The following GNAT3 variants were observed in gnomAD, a reference collection of about 807,000 sequenced individuals.
The protein encoded by GNAT3 is guanine nucleotide-binding protein G(t) subunit alpha-3.
In GNAT3, 31 loss-of-function variants were observed where a neutral mutation model predicts 37.7. The observed-to-expected ratio is 0.82, with a 90% CI of 0.62 to 1.11. The LOEUF is 1.11. GNAT3 is among the 50% of genes most tolerant of loss of function. The pLI is 0.00. For synonymous variants in GNAT3, 138 were observed against 139.8 expected (o/e 0.99, Z 0.09); for missense variants, 437 against 412.5 (o/e 1.06, Z -0.51).
At chr7:80,495,691 T>C (rs149927829) in intron 1 of GNAT3, among the ~76,000 whole-genome samples, 9 of 152,184 alleles carry the variant, frequency 5.9e-5, no homozygotes, top group African/African-American at 2.2e-4. Flanking sequence ...ATGGTCTGGA[T>C]CTGCTGATCT....
At chr7:80,467,930 G>T (rs1450535895) in intron 5 of GNAT3, among the ~76,000 whole-genome samples, 1 of 151,544 alleles carries the variant, frequency 6.6e-6, no homozygotes, top group Non-Finnish European at 1.5e-5. Flanking sequence ...GGGTTTTTTG[G>T]TCTTATTTAT....
At chr7:80,497,385 A>G (rs1351202063) in intron 1 of GNAT3, among the ~76,000 whole-genome samples, 1 of 152,030 alleles carries the variant, frequency 6.6e-6, no homozygotes, top group Non-Finnish European at 1.5e-5. Flanking sequence ...TAGGAAGTGC[A>G]TCACTTTGGG....
chr7:80,461,158 A>T (rs1584164464), intron 7 of GNAT3, among the ~76,000 whole-genome samples: 1 of 152,040 alleles, frequency 6.6e-6, no homozygotes, highest in Non-Finnish European at 1.5e-5. Context: ...AGGTTGACCA[A>T]TGTAAGTATT....
At chr7:80,471,430 T>C (rs1439685176) in intron 5 of GNAT3, among the ~76,000 whole-genome samples, 13 of 151,964 alleles carry the variant, frequency 8.6e-5, no homozygotes, top group Non-Finnish European at 1.5e-5. Context: ...ATTGTTTATA[T>C]TACTTTGTTC....
At chr7:80,492,523 T>C (rs1340948914) in intron 2 of GNAT3, among the ~76,000 whole-genome samples, 1 of 151,862 alleles carries the variant, frequency 6.6e-6, no homozygotes, top group African/African-American at 2.4e-5. Context: ...TGAATAGTCC[T>C]GTAACTTTGC....
At chr7:80,501,354 T>G (rs1363521216) in intron 1 of GNAT3, among the ~76,000 whole-genome samples, 1 of 152,028 alleles carries the variant, frequency 6.6e-6, no homozygotes, top group East Asian at 1.9e-4. Context: ...ATGAACATAG[T>G]TTTATGTTTT....
At chr7:80,506,617 A>G (rs979290747) in intron 1 of GNAT3, among the ~76,000 whole-genome samples, 2 of 152,200 alleles carry the variant, frequency 1.3e-5, no homozygotes, top group Non-Finnish European at 2.9e-5. Flanking sequence ...TAAACTCTCC[A>G]AGTAGGTCTT....
At chr7:80,461,977 G>A (rs1008879172) in intron 7 of GNAT3, among the ~76,000 whole-genome samples, 182 bp downstream of exon 7, 2 of 152,076 alleles carry the variant, frequency 1.3e-5, no homozygotes, top group African/African-American at 4.8e-5. Flanking sequence ...TTGCTTTAAT[G>A]TACACAATGT....
chr7:80,499,762 G>A (rs1220629722), intron 1 of GNAT3, among the ~76,000 whole-genome samples: 1 of 151,676 alleles, frequency 6.6e-6, no homozygotes, highest in African/African-American at 2.4e-5. Flanking sequence ...TCATGTTTTG[G>A]AACTAAATAG....
In GNAT3 at chr7:80,479,710, C is replaced by CAAA. The variant is rs56730701; in HGVS notation, c.304-715_304-713dup. On this transcript the variant is annotated intron_variant, in intron 3 of 7. Coordinates refer to ENST00000398291, the MANE Select transcript of GNAT3 (RefSeq NM_001102386.3). ...TAGGTGACAGAGCCAGACCCTGTCT[C>CAAA]AAAAAAAAAAAAAAAAAAAAATTAG... is the stretch of plus-strand genomic sequence containing the variant. Among the ~76,000 whole-genome samples, 470 of 79,248 alleles carry CAAA rather than the reference C, an allele frequency of 5.9e-3. 7 individuals carry two copies. Among genetic ancestry groups the CAAA allele is most frequent in the African/African-American group, 0.014 (353 of 25,104 alleles). 52.0% of individuals were successfully genotyped at this position (79,248 alleles called of 152,430 possible). A position where few individuals can be genotyped will look rare whatever the true frequency, so the allele number is the denominator to read the frequency against.
intron 5 of GNAT3, among the ~76,000 whole-genome samples, chr7:80,469,123 C>T (rs1013375215): frequency 3.3e-5 from 5 of 152,106 alleles, no homozygotes; most frequent in South Asian, 2.1e-4. Flanking sequence ...TCATATGCCA[C>T]ACAAATGACC....
chr7:80,468,552 G>A (rs574239481), intron 5 of GNAT3, among the ~76,000 whole-genome samples: 10 of 151,914 alleles, frequency 6.6e-5, no homozygotes, highest in Non-Finnish European at 1.2e-4. Context: ...AGTCTCTATC[G>A]CAGTTGTTAT....
At chr7:80,504,830 A>T (rs971948902) in intron 1 of GNAT3, among the ~76,000 whole-genome samples, 1 of 151,958 alleles carries the variant, frequency 6.6e-6, no homozygotes, top group South Asian at 2.1e-4. Context: ...CATATTAGTG[A>T]TCATCTAGGG....
chr7:80,482,338 G>A (rs1374632728), intron 3 of GNAT3, among the ~76,000 whole-genome samples: 3 of 152,126 alleles, frequency 2.0e-5, no homozygotes, highest in Non-Finnish European at 4.4e-5. Context: ...TGCTGTTTAG[G>A]AGGAATGATG....
At chr7:80,499,865 T>C (rs1790800429) in intron 1 of GNAT3, among the ~76,000 whole-genome samples, 1 of 152,180 alleles carries the variant, frequency 6.6e-6, no homozygotes, top group African/African-American at 2.4e-5. Flanking sequence ...AAAATTGGGC[T>C]AAAACTTGGG....
At chr7:80,495,432 G>A (rs1433619330) in intron 1 of GNAT3, among the ~76,000 whole-genome samples, 1 of 150,878 alleles carries the variant, frequency 6.6e-6, no homozygotes. Context: ...TTGACCTGGT[G>A]TAAGGTGGTC....
chr7:80,461,868 T>A (rs1044764602), intron 7 of GNAT3, among the ~76,000 whole-genome samples: 9 of 152,186 alleles, frequency 5.9e-5, no homozygotes, highest in African/African-American at 2.2e-4. Context: ...ATTCCTGTTA[T>A]AATTTTGAAG....
chr7:80,462,201 C>G lies in GNAT3; in HGVS notation c.832G>C (p.Val278Leu), dbSNP rs368632002. 6.3e-7 allele frequency: 1 copy of G among 1,596,324 alleles called. No individual in the cohort carries two copies. Among genetic ancestry groups the G allele is most frequent in the Non-Finnish European group, 8.5e-7 (1 of 1,170,084 alleles). The part of the protein sequence containing the change: ...LNKKDIFQEK[V>L]TKVHLSICFP... ...CAGATACTAAGATGCACCTTGGTTACCTTTTCTTGAAAGATATCTTTTTTG... is the reference window on the plus strand; with the variant it reads ...CAGATACTAAGATGCACCTTGGTTAGCTTTTCTTGAAAGATATCTTTTTTG... The change falls in exon 7 of 8, where the codon GTA becomes CTA. Residue 278 changes from valine to leucine, a missense_variant. Physicochemically the swap from Val to Leu is conservative, Grantham distance 32. Transcript: ENST00000398291.
intron 3 of GNAT3, chr7:80,487,692 T>A (rs941776625): frequency 6.6e-6 from 1 of 152,170 alleles, no homozygotes; most frequent in Admixed American, 6.5e-5. Context: ...ATAGCAAGGT[T>A]TCCAAGAATT....
Sources: allele counts gnomAD v4.1 joint callset (sites outside exome capture counted in the v4.1 genomes callset), GRCh38; gene constraint gnomAD v4.1.1; transcripts MANE v1.5; gene names NCBI Gene and HGNC (gene_info 2026-07-23, HGNC 2026-07-21).